Variants in GRXCR1 observed in about 807,000 individuals in gnomAD.
GRXCR1 encodes the protein glutaredoxin domain-containing cysteine-rich protein 1.
In GRXCR1, 27 loss-of-function variants were observed where a neutral mutation model predicts 27.3. That is an observed-to-expected ratio of 0.99 (90% CI 0.73 to 1.37). The LOEUF is 1.37. Among genes scored for constraint, GRXCR1 ranks in the 40% most tolerant of loss-of-function variants. GRXCR1 has a pLI of 0.00. For missense variants in GRXCR1, 379 were observed against 354.4 expected (o/e 1.07, Z -0.56); for synonymous variants, 122 against 131.1 (o/e 0.93, Z 0.47).
intron 2 of GRXCR1, among the ~76,000 whole-genome samples, chr4:42,990,580 G>A (rs1297794433): frequency 2.0e-5 from 3 of 152,014 alleles, no homozygotes; most frequent in South Asian, 2.1e-4. Context: ...TATAGTTAGA[G>A]TTGGTAATTT....
At chr4:42,990,882 A>G (rs1711950724) in intron 2 of GRXCR1, among the ~76,000 whole-genome samples, 1 of 152,150 alleles carries the variant, frequency 6.6e-6, no homozygotes, top group South Asian at 2.1e-4. Flanking sequence ...GTTAAATTAC[A>G]TCATAATTAT....
At chr4:42,974,660 C>T (rs777776188) in intron 2 of GRXCR1, among the ~76,000 whole-genome samples, 4 of 152,106 alleles carry the variant, frequency 2.6e-5, no homozygotes, top group Non-Finnish European at 5.9e-5. Flanking sequence ...GAGCTAAGAC[C>T]ACTCTTATTG....
At chr4:42,993,385 C>T (rs1389219659) in intron 2 of GRXCR1, among the ~76,000 whole-genome samples, 2 of 151,898 alleles carry the variant, frequency 1.3e-5, no homozygotes, top group Non-Finnish European at 2.9e-5. Flanking sequence ...TCGCTTTAGC[C>T]TCTTGTGTCA....
intron 1 of GRXCR1, among the ~76,000 whole-genome samples, chr4:42,924,472 G>A (rs1299617021): frequency 1.3e-5 from 2 of 151,942 alleles, no homozygotes; most frequent in East Asian, 1.9e-4. Flanking sequence ...TACATAATCC[G>A]CCCAAGGTTG....
intron 1 of GRXCR1, among the ~76,000 whole-genome samples, chr4:42,915,493 G>T (rs1184682698): frequency 6.6e-6 from 1 of 151,392 alleles, no homozygotes; most frequent in Non-Finnish European, 1.5e-5. Context: ...GTAGTTTTTA[G>T]TATCTCCACC....
chr4:42,986,978 G>A (rs1291449236), intron 2 of GRXCR1, among the ~76,000 whole-genome samples: 1 of 146,942 alleles, frequency 6.8e-6, no homozygotes, highest in Non-Finnish European at 1.5e-5. Context: ...TGCCATCTAG[G>A]CTCAAAATTT....
chr4:43,005,388 C>A (rs577265768), intron 2 of GRXCR1, among the ~76,000 whole-genome samples: 2 of 152,276 alleles, frequency 1.3e-5, no homozygotes, highest in South Asian at 2.1e-4. Context: ...GCAAATTATA[C>A]CTGTTTGTTG....
chr4:42,928,826 G>C (rs1747233029), intron 1 of GRXCR1, among the ~76,000 whole-genome samples: 1 of 151,960 alleles, frequency 6.6e-6, no homozygotes, highest in Non-Finnish European at 1.5e-5. Flanking sequence ...GATAATTAGA[G>C]CAGAACATTA....
rs767164566 is a variant in GRXCR1, at chr4:42,893,578, C to G, written c.312C>G (p.Gly104=). 9.9e-6 allele frequency: 16 copies of G among 1,613,624 alleles called. No individual in the cohort carries two copies. In the East Asian group the frequency reaches 3.3e-4, roughly 34 times the overall value. ...GAGTCAACATTTTAAGCAAAAATGG[C>G]ACAGTCAGAGGCGTCAAATACAAAG... ...TRRVNILSKN[G]TVRGVKYKVS... Residue 104 remains glycine, a synonymous_variant, in exon 1 of 4, where the codon GGC becomes GGG. Coordinates refer to ENST00000399770, the MANE Select transcript of GRXCR1 (RefSeq NM_001080476.3).
At chr4:42,907,881 A>G (rs1003204898) in intron 1 of GRXCR1, among the ~76,000 whole-genome samples, 3 of 152,154 alleles carry the variant, frequency 2.0e-5, no homozygotes, top group Non-Finnish European at 2.9e-5. Flanking sequence ...GAAAATCACA[A>G]TCCTCCATGT....
intron 1 of GRXCR1, among the ~76,000 whole-genome samples, chr4:42,945,567 C>G (rs1364534437): frequency 3.9e-5 from 6 of 152,126 alleles, no homozygotes; most frequent in African/African-American, 9.7e-5. Context: ...CCTCCCAGTT[C>G]TGGCTGAAGA....
chr4:42,989,177 G>T (rs1414835375), intron 2 of GRXCR1, among the ~76,000 whole-genome samples: 1 of 152,124 alleles, frequency 6.6e-6, no homozygotes, highest in Admixed American at 6.5e-5. Flanking sequence ...CCATAGACTG[G>T]GTGGCTTAAA....
chr4:42,969,617 G>A (rs937313975), intron 2 of GRXCR1, among the ~76,000 whole-genome samples: 6 of 152,058 alleles, frequency 3.9e-5, no homozygotes, highest in South Asian at 2.1e-4. Flanking sequence ...ACCAGATCTC[G>A]TGAGAACCTG....
rs961626870 is a variant in GRXCR1, at chr4:42,909,190, G to A, written c.384+15540G>A. Among the ~76,000 whole-genome samples, 3 of 152,132 alleles carry A rather than the reference G, an allele frequency of 2.0e-5. No homozygotes were observed. In the South Asian group the frequency reaches 6.2e-4, roughly 32 times the overall value. On this transcript the variant is annotated intron_variant, in intron 1 of 3. Coordinates refer to ENST00000399770, the MANE Select transcript of GRXCR1 (RefSeq NM_001080476.3). ...CTCATTCCTTAAGTTATTGCTGCAG[G>A]TGCATCTGCCATACAGGGTAATTCT... is the stretch of plus-strand genomic sequence containing the variant.
chr4:42,940,137 A>G (rs1022993598), intron 1 of GRXCR1, among the ~76,000 whole-genome samples: 2 of 151,992 alleles, frequency 1.3e-5, no homozygotes, highest in Admixed American at 6.6e-5. Flanking sequence ...TCATGGTGAG[A>G]ATCTGCTGGA....
chr4:42,963,001 A>G lies in GRXCR1; in HGVS notation c.494A>G (p.Asn165Ser), dbSNP rs750576360. The change falls in exon 2 of 4, where the codon AAC becomes AGC. Residue 165 changes from asparagine to serine, a missense_variant. Transcript: ENST00000399770. Reference sequence around the variant, plus strand: ...GAACTGGTTAGAAAGATTTTCCAAAACCATCGCGTAAAATTTGAAGAGAAA... The same window carrying G: ...GAACTGGTTAGAAAGATTTTCCAAAGCCATCGCGTAAAATTTGAAGAGAAA... The part of the protein sequence containing the change: ...RCELVRKIFQ[N>S]HRVKFEEKNI... The G allele has an allele frequency of 1.9e-6, 3 of 1,612,836 alleles. No homozygotes were observed. The highest frequency in any genetic ancestry group is 2.2e-5 in the East Asian group (1 of 44,860).
At chr4:42,937,761 G>A (rs1055001996) in intron 1 of GRXCR1, among the ~76,000 whole-genome samples, 1 of 151,792 alleles carries the variant, frequency 6.6e-6, no homozygotes, top group Non-Finnish European at 1.5e-5. Context: ...TATAGCAATT[G>A]TAACATATGT....
intron 3 of GRXCR1, among the ~76,000 whole-genome samples, chr4:43,024,216 T>C (rs1359814140): frequency 1.3e-5 from 2 of 149,838 alleles, no homozygotes; most frequent in African/African-American, 4.9e-5. Flanking sequence ...TTTTTTTTGG[T>C]AAAGCTTATA....
chr4:43,019,672 A>G (rs911274073), intron 2 of GRXCR1, among the ~76,000 whole-genome samples: 1 of 152,200 alleles, frequency 6.6e-6, no homozygotes, highest in Admixed American at 6.5e-5. Context: ...CCCCTTTCTC[A>G]CTTTCATAGT....
Sources: allele counts gnomAD v4.1 joint callset (sites outside exome capture counted in the v4.1 genomes callset), GRCh38; gene constraint gnomAD v4.1.1; transcripts MANE v1.5; gene names NCBI Gene and HGNC (gene_info 2026-07-23, HGNC 2026-07-21).